The following REDIC1 variants were observed in gnomAD, a reference collection of about 807,000 sequenced individuals.
The protein encoded by REDIC1 is HEI10 Interacting Protein 1.
At chr12:39,864,720 A>G in the REDIC1 span, 9 of 1,600,990 alleles carry the variant, frequency 5.6e-6, no homozygotes, top group African/African-American at 1.3e-5. Flanking sequence ...CAAAAAAGTT[A>G]CCAGAGTCAT....
the REDIC1 span, among the ~76,000 whole-genome samples, chr12:39,739,159 A>G: frequency 2.6e-5 from 4 of 152,184 alleles, no homozygotes; most frequent in Non-Finnish European, 5.9e-5. Context: ...AGATAAGATC[A>G]TGGTATTGAA....
chr12:39,805,466 C>A, the REDIC1 span, among the ~76,000 whole-genome samples: 1 of 151,500 alleles, frequency 6.6e-6, no homozygotes, highest in Admixed American at 6.6e-5. Context: ...AATGACAAAT[C>A]TTTCCAGCCT....
the REDIC1 span, among the ~76,000 whole-genome samples, chr12:39,824,603 G>A: frequency 6.6e-6 from 1 of 152,160 alleles, no homozygotes; most frequent in African/African-American, 2.4e-5. Flanking sequence ...TGAGGTGGAC[G>A]TGTCTCCTGG....
the REDIC1 span, chr12:39,650,251 A>G: frequency 6.2e-7 from 1 of 1,609,216 alleles, no homozygotes; most frequent in Non-Finnish European, 8.5e-7. This position sits in a 1 kb window ranked among gnomAD's most constrained non-coding sequence, Gnocchi z 4.3. Flanking sequence ...CAGTACTGTT[A>G]ACTGTTCTGA....
chr12:39,849,879 T>A, the REDIC1 span, among the ~76,000 whole-genome samples: 4 of 152,270 alleles, frequency 2.6e-5, no homozygotes, highest in Admixed American at 2.6e-4. Context: ...TTCAAAGCTC[T>A]GTTGTTGTTT....
At chr12:39,858,187 A>G in the REDIC1 span, among the ~76,000 whole-genome samples, 1 of 152,230 alleles carries the variant, frequency 6.6e-6, no homozygotes, top group African/African-American at 2.4e-5. Flanking sequence ...TATTTATTTA[A>G]GTGTTAGCAA....
At chr12:39,696,247 AAAT>A in the REDIC1 span, among the ~76,000 whole-genome samples, 2 of 152,190 alleles carry the variant, frequency 1.3e-5, no homozygotes, top group South Asian at 4.1e-4. Flanking sequence ...CAGATGAACT[AAAT>A]AACGCACCAA....
chr12:39,832,761 T>C, the REDIC1 span, among the ~76,000 whole-genome samples: 2 of 152,212 alleles, frequency 1.3e-5, no homozygotes, highest in African/African-American at 2.4e-5. Flanking sequence ...CCACTTCCCA[T>C]CATTTCAATA....
the REDIC1 span, among the ~76,000 whole-genome samples, chr12:39,857,621 A>C: frequency 6.6e-6 from 1 of 152,206 alleles, no homozygotes; most frequent in Non-Finnish European, 1.5e-5. Flanking sequence ...TGATCTTTTA[A>C]AAACACAAAT....
chr12:39,649,579 C>CTTTT, the REDIC1 span, among the ~76,000 whole-genome samples: 1 of 132,134 alleles, frequency 7.6e-6, no homozygotes, highest in Non-Finnish European at 1.7e-5. Context: ...TTTGACTCTC[C>CTTTT]TTTTTTTTTT....
chr12:39,653,558 T>TTTTTTCTTCTTCTTCTTCTTC, the REDIC1 span, among the ~76,000 whole-genome samples: 1 of 43,844 alleles, frequency 2.3e-5, no homozygotes, highest in South Asian at 6.9e-4. Flanking sequence ...CTTCTTCTTC[T>TTTTTTCTTCTTCTTCTTCTTC]TTCTTCTTCT....
At chr12:39,627,824 G>A in the REDIC1 span, among the ~76,000 whole-genome samples, 1 of 152,168 alleles carries the variant, frequency 6.6e-6, no homozygotes, top group Non-Finnish European at 1.5e-5. Flanking sequence ...CATACACAAA[G>A]TATGTCTTTG....
chr12:39,828,511 C>T, the REDIC1 span, among the ~76,000 whole-genome samples: 242 of 152,124 alleles, frequency 1.6e-3, no homozygotes, highest in Non-Finnish European at 2.9e-3. Flanking sequence ...TGCAAAAAAG[C>T]CAAAACTCCT....
the REDIC1 span, among the ~76,000 whole-genome samples, chr12:39,741,294 C>T: frequency 6.6e-6 from 1 of 152,086 alleles, no homozygotes; most frequent in Non-Finnish European, 1.5e-5. Context: ...CAGTTCCTCT[C>T]CTTTAAAAAA....
chr12:39,823,703 C>G, the REDIC1 span, among the ~76,000 whole-genome samples: 1 of 152,148 alleles, frequency 6.6e-6, no homozygotes, highest in Non-Finnish European at 1.5e-5. Flanking sequence ...CCTGCTTTCA[C>G]CTCTCGAGTA....
At chr12:39,701,750 C>T in the REDIC1 span, among the ~76,000 whole-genome samples, 3 of 152,146 alleles carry the variant, frequency 2.0e-5, no homozygotes, top group Non-Finnish European at 4.4e-5. Flanking sequence ...TCTCAGACCA[C>T]AGTGCAATCA....
the REDIC1 span, among the ~76,000 whole-genome samples, chr12:39,782,425 T>C: frequency 2.0e-5 from 3 of 152,172 alleles, no homozygotes; most frequent in Non-Finnish European, 4.4e-5. Flanking sequence ...TTTCTCCTTT[T>C]GCTTCCTCCT....
At chr12:39,730,457 C>A in the REDIC1 span, among the ~76,000 whole-genome samples, 1 of 152,148 alleles carries the variant, frequency 6.6e-6, no homozygotes. Context: ...GTTGAAAATT[C>A]TTTTCTTTAA....
the REDIC1 span, among the ~76,000 whole-genome samples, chr12:39,711,693 G>A: frequency 1.2e-3 from 49 of 40,692 alleles, no homozygotes; most frequent in African/African-American, 2.4e-3. Context: ...GCACATGTAT[G>A]TGTATGTGTA....
Sources: gnomAD v4.1 joint callset for allele counts (sites outside exome capture counted in the v4.1 genomes callset) on GRCh38, gnomAD v4.1.1 for gene constraint, Gnocchi (gnomAD v3.1) non-coding constraint, MANE v1.5 for transcripts, NCBI Gene and HGNC (gene_info 2026-07-23, HGNC 2026-07-21) for gene names.